Variants in FARS2 observed in about 807,000 individuals in gnomAD.
The protein encoded by FARS2 is phenylalanine--tRNA ligase, mitochondrial.
In FARS2, 40 loss-of-function variants were observed where a neutral mutation model predicts 46.4. The ratio of observed to expected loss-of-function variants is 0.86; its 90% CI spans 0.67 to 1.12. The LOEUF (loss-of-function observed/expected upper bound fraction) is 1.12, where lower values mean the gene tolerates loss of function less well. Ranked by LOEUF, FARS2 falls within the 50% of genes most tolerant of loss-of-function variation. FARS2 has a pLI of 0.00. For missense variants in FARS2, 513 were observed against 567.9 expected (o/e 0.90, Z 0.98); for synonymous variants, 234 against 214.9 (o/e 1.09, Z -0.78).
intron 4 of FARS2, among the ~76,000 whole-genome samples, chr6:5,543,490 G>A (rs1770760747): frequency 1.3e-5 from 2 of 150,004 alleles, no homozygotes; most frequent in South Asian, 2.2e-4. Flanking sequence ...TCAGCCTCCC[G>A]AGTAGCTGGG....
At chr6:5,263,220 T>G (rs1290524333) in intron 1 of FARS2, among the ~76,000 whole-genome samples, 1 of 152,270 alleles carries the variant, frequency 6.6e-6, no homozygotes, top group African/African-American at 2.4e-5. Flanking sequence ...ATCATTAACG[T>G]ACATAATTAA....
intron 1 of FARS2, among the ~76,000 whole-genome samples, chr6:5,319,578 C>T (rs186894696): frequency 3.1e-4 from 47 of 152,322 alleles, no homozygotes; most frequent in Non-Finnish European, 5.7e-4. Context: ...CTCGAGTTGC[C>T]TACTTGACCC....
chr6:5,302,013 T>A (rs968449857), intron 1 of FARS2, among the ~76,000 whole-genome samples: 22 of 152,140 alleles, frequency 1.4e-4, no homozygotes, highest in African/African-American at 5.3e-4. Context: ...TGTTGGTCAT[T>A]TATCTTCTTA....
intron 6 of FARS2, among the ~76,000 whole-genome samples, chr6:5,629,293 A>G (rs1214545336): frequency 6.6e-6 from 1 of 152,216 alleles, no homozygotes; most frequent in Non-Finnish European, 1.5e-5. Context: ...GTCTTAAATT[A>G]GAAACGTGTC....
chr6:5,284,221 C>T (rs571811045), intron 1 of FARS2, among the ~76,000 whole-genome samples: 1 of 152,294 alleles, frequency 6.6e-6, no homozygotes, highest in Admixed American at 6.5e-5. Context: ...AGCTCATTCT[C>T]ATTTTGCTAT....
chr6:5,596,910 A>G (rs1448794343), intron 5 of FARS2, among the ~76,000 whole-genome samples: 1 of 152,344 alleles, frequency 6.6e-6, no homozygotes, highest in South Asian at 2.1e-4. Context: ...TAAATCCAGC[A>G]TGTCTCAGAG....
upstream of FARS2, among the ~76,000 whole-genome samples, chr6:5,257,669 A>G (rs1764744483): frequency 6.6e-6 from 1 of 152,144 alleles, no homozygotes; most frequent in Admixed American, 6.5e-5. Context: ...AGGTGCACCT[A>G]TTGTGAACTG....
intron 1 of FARS2, among the ~76,000 whole-genome samples, chr6:5,270,975 G>T (rs2127825259): frequency 6.6e-6 from 1 of 152,276 alleles, no homozygotes. Context: ...ATCTTCCTCT[G>T]TTAAGCTCCC....
chr6:5,745,496 T>G (rs1761584738), intron 6 of FARS2, among the ~76,000 whole-genome samples: 1 of 152,258 alleles, frequency 6.6e-6, no homozygotes, highest in Admixed American at 6.5e-5. Context: ...AAGGTCTGTT[T>G]GCAGAATGTC....
intron 1 of FARS2, among the ~76,000 whole-genome samples, chr6:5,294,875 C>T (rs1767748355): frequency 6.6e-6 from 1 of 152,078 alleles, no homozygotes; most frequent in African/African-American, 2.4e-5. Context: ...CATCAGCATT[C>T]CTTCCCCCAA....
chr6:5,389,819 TAC>T lies in FARS2; in HGVS notation c.613-14721_613-14720del, dbSNP rs1760376854. ...AAAGCTTTCTGAATTCTGCTCCTAC[TAC>T]AGTTTTTTTGTTTTTGTCGTTGTTG... On this transcript the variant is annotated intron_variant, in intron 2 of 6. Transcript: ENST00000274680. Among the ~76,000 whole-genome samples, 4 of 151,868 alleles carry T rather than the reference TAC, an allele frequency of 2.6e-5. No individual in the cohort carries two copies. In the South Asian group the frequency reaches 8.3e-4, roughly 32 times the overall value.
At chr6:5,285,530 C>T (rs1222082599) in intron 1 of FARS2, among the ~76,000 whole-genome samples, 1 of 152,182 alleles carries the variant, frequency 6.6e-6, no homozygotes, top group African/African-American at 2.4e-5. Context: ...CACGGAGGAC[C>T]ATGGGGGACT....
intron 4 of FARS2, among the ~76,000 whole-genome samples, chr6:5,475,190 G>A (rs1459761725): frequency 6.6e-6 from 1 of 152,198 alleles, no homozygotes; most frequent in Non-Finnish European, 1.5e-5. Context: ...CTTAGTCTTT[G>A]AAGAGGTTCC....
intron 4 of FARS2, among the ~76,000 whole-genome samples, chr6:5,479,112 T>C (rs1004251565): frequency 6.6e-5 from 10 of 152,248 alleles, no homozygotes; most frequent in Admixed American, 2.6e-4. Flanking sequence ...ATACTTGCAA[T>C]GCGTATCAGC....
chr6:5,583,748 G>GT lies in FARS2; in HGVS notation c.1066-29420dup, dbSNP rs1316726494. 2.0e-5 allele frequency among the ~76,000 whole-genome samples: 3 copies of GT among 152,318 alleles called. No homozygotes were observed. In the East Asian group the frequency reaches 5.8e-4, roughly 29 times the overall value. On this transcript the variant is annotated intron_variant, in intron 5 of 6. Transcript: ENST00000274680. ...GGCCTAAGGCCACAGGACTCTGAAA[G>GT]TAAGTGAGGAAGCCAGGTTAAACCC... is the stretch of plus-strand genomic sequence containing the variant.
At chr6:5,692,196 T>G (rs1757783777) in intron 6 of FARS2, among the ~76,000 whole-genome samples, 1 of 152,230 alleles carries the variant, frequency 6.6e-6, no homozygotes, top group African/African-American at 2.4e-5. Flanking sequence ...CCCACTGTTC[T>G]GCACCCACTG....
chr6:5,389,998 A>G (rs1485212456), intron 2 of FARS2, among the ~76,000 whole-genome samples: 1 of 152,028 alleles, frequency 6.6e-6, no homozygotes, highest in Non-Finnish European at 1.5e-5. Flanking sequence ...CCGAGTAGCT[A>G]GGATTACAGG....
At chr6:5,282,005 G>A (rs1766764899) in intron 1 of FARS2, among the ~76,000 whole-genome samples, 1 of 152,150 alleles carries the variant, frequency 6.6e-6, no homozygotes, top group Non-Finnish European at 1.5e-5. Context: ...TTACCAGTCT[G>A]CACTGAGAAG....
intron 4 of FARS2, among the ~76,000 whole-genome samples, chr6:5,443,059 G>A (rs975930337): frequency 6.6e-6 from 1 of 152,172 alleles, no homozygotes; most frequent in South Asian, 2.1e-4. Flanking sequence ...AATGTCTAAG[G>A]TCTTGTATGC....
Sources: allele counts gnomAD v4.1 joint callset (sites outside exome capture counted in the v4.1 genomes callset), GRCh38; gene constraint gnomAD v4.1.1; transcripts MANE v1.5; gene names NCBI Gene and HGNC (gene_info 2026-07-23, HGNC 2026-07-21).